The following MTTP variants were observed in gnomAD, a reference collection of about 807,000 sequenced individuals.
MTTP encodes microsomal triglyceride transfer protein, also known as microsomal triglyceride transfer protein large subunit.
A neutral mutation model predicts 90.6 loss-of-function variants in MTTP; 49 were observed. That is an observed-to-expected ratio of 0.54 (90% CI 0.43 to 0.69). MTTP has a LOEUF of 0.69. Among genes scored for constraint, MTTP ranks in the 30% least tolerant of loss-of-function variants. MTTP has a pLI of 0.00. For missense variants in MTTP, 945 were observed against 1,067.5 expected, an observed-to-expected ratio of 0.89 and a Z score of 1.60; for synonymous variants, 347 against 384.2, an observed-to-expected ratio of 0.90 and a Z score of 1.13.
rs375091598 is a variant in MTTP at position 99,591,803 on chromosome 4, T to C, written c.758+13T>C. 7.2e-5 allele frequency: 115 copies of C among 1,595,674 alleles called. No homozygotes were observed. The highest frequency in any genetic ancestry group is 2.2e-4 in the Admixed American group (13 of 59,566). On this transcript the variant is annotated intron_variant, in intron 6 of 17. Coordinates refer to ENST00000265517, the MANE Select transcript of MTTP (RefSeq NM_001386140.1). ...AAATAGTATCGAAGTAAGATAATGC[T>C]AAAATTTTTATTTTCTTTGCTATTC...
rs1320933851 is a variant in MTTP at position 99,603,230 on chromosome 4, A to G, written c.1344+1516A>G. Among the ~76,000 whole-genome samples, 5 of 152,138 alleles carry G rather than the reference A, an allele frequency of 3.3e-5. No individual in the cohort carries two copies. In the East Asian group the frequency reaches 9.6e-4, roughly 29 times the overall value. On this transcript the variant is annotated intron_variant, in intron 10 of 17. Transcript: ENST00000265517. ...GTATGTTTCTGGGGGCAGATAAGTG[A>G]CAGTGGAGACACAGGAAAGATGGGA...
chr4:99,582,111 A>T lies in MTTP; in HGVS notation c.249+19A>T. On this transcript the variant is annotated intron_variant, in intron 2 of 17. Transcript: ENST00000265517. The stretch of plus-strand genomic sequence containing the variant: ...AATAACGGTGGGCATTTTCTACCAG[A>T]TAAATGCAAAGATTAGATATCAGAA... The T allele has an allele frequency of 6.2e-7, 1 of 1,613,170 alleles. No homozygotes were observed. Among genetic ancestry groups the T allele is most frequent in the Non-Finnish European group, 8.5e-7 (1 of 1,179,092 alleles).
intron 15 of MTTP, among the ~76,000 whole-genome samples, chr4:99,617,280 G>A (rs1185965044): frequency 6.6e-6 from 1 of 152,154 alleles, no homozygotes; most frequent in Non-Finnish European, 1.5e-5. Context: ...ATCTCCTAAT[G>A]TGTCCTGAGC....
Position 99,583,704 on chromosome 4 carries a change from C to G in MTTP, c.393+187C>G, listed in dbSNP as rs1047135328. 4.4e-6 allele frequency: 3 copies of G among 688,316 alleles called. No individual in the cohort carries two copies. In the East Asian group the frequency reaches 8.2e-5, roughly 19 times the overall value. The allele number at this position is 688,316 out of a possible 1,614,324, so 42.6% of individuals were successfully genotyped here. The stretch of plus-strand genomic sequence containing the variant: ...TGAATCAATGCCCTGAGTTCCCTTA[C>G]ATTTACTAGCCAATTTGTTTCCTAT... On this transcript the variant is annotated intron_variant, in intron 3 of 17. Coordinates refer to ENST00000265517, the MANE Select transcript of MTTP (RefSeq NM_001386140.1).
rs1197809198 is a variant in MTTP, at chr4:99,612,958, C to T, written c.2035C>T (p.Pro679Ser). Residue 679 changes from proline to serine, a missense_variant, in exon 15 of 18, where the codon CCT becomes TCT. Pro to Ser is a moderately conservative substitution (Grantham distance 74). Coordinates refer to ENST00000265517, the MANE Select transcript of MTTP (RefSeq NM_001386140.1). ...ACTGGAAGCCTTAATCGCAGCCACCCCTGACGAGGGGGAGGAGAACCTTGA... is the reference window on the plus strand; with the variant it reads ...ACTGGAAGCCTTAATCGCAGCCACCTCTGACGAGGGGGAGGAGAACCTTGA... ...QGLEALIAAT[P>S]DEGEENLDSY... The T allele has an allele frequency of 6.2e-7, 1 of 1,613,986 alleles. No individual in the cohort carries two copies. The highest frequency in any genetic ancestry group is 1.1e-5 in the South Asian group (1 of 91,070).
chr4:99,612,790 G>C, intron 14 of MTTP, 123 bp from the exon 15 acceptor site: 1 of 854,336 alleles, frequency 1.2e-6, no homozygotes, highest in Non-Finnish European at 1.9e-6. Context: ...TTTGTTTTTA[G>C]CTGTTGCAAA....
chr4:99,592,581 AT>A (rs910085045), intron 6 of MTTP, among the ~76,000 whole-genome samples: 1 of 145,806 alleles, frequency 6.9e-6, no homozygotes, highest in Non-Finnish European at 1.5e-5. Context: ...AAGCATATAT[AT>A]TAGCCTCGGC....
At position 99,583,834 on chromosome 4, in the gene MTTP, TA is replaced by T. The variant is rs543097276; in HGVS notation, c.393+319del. 1.2e-5 allele frequency: 6 copies of T among 493,964 alleles called. No homozygotes were observed. The South Asian group carries it at 1.4e-4, about 12-fold the overall frequency. The allele number at this position is 493,964 out of a possible 1,614,324, so 30.6% of individuals were successfully genotyped here. The stretch of plus-strand genomic sequence containing the variant: ...ATTATAAGGGATTACAAACGTAATG[TA>T]ACAAAGCAAGTCATCAAAGCATGAT... On this transcript the variant is annotated intron_variant, in intron 3 of 17. Transcript: ENST00000265517.
chr4:99,584,395 C>A (rs910113234), intron 3 of MTTP, among the ~76,000 whole-genome samples: 1 of 152,006 alleles, frequency 6.6e-6, no homozygotes, highest in African/African-American at 2.4e-5. Context: ...AAAAACTGAT[C>A]TTTATATACT....
intron 6 of MTTP, among the ~76,000 whole-genome samples, chr4:99,592,026 A>G (rs562223407): frequency 1.3e-3 from 192 of 152,298 alleles, no homozygotes; most frequent in African/African-American, 4.5e-3. Flanking sequence ...ATTATATGGT[A>G]TAGCCTATTG....
Position 99,581,989 on chromosome 4 carries a change from G to A in MTTP, c.146G>A (p.Gly49Glu), listed in dbSNP as rs145545828. 117 of 1,614,184 alleles carry A rather than the reference G, an allele frequency of 7.2e-5. 1 individual carries two copies. The African/African-American group carries it at 1.2e-3, about 17-fold the overall frequency. Reference protein sequence around the residue: ...STEVLLDRGKGKLQDSVGYRI... With the variant: ...STEVLLDRGKEKLQDSVGYRI... ...GAAGTTCTTCTTGATCGGGGCAAAG[G>A]AAAACTGCAAGACAGCGTGGGCTAC... The change falls in exon 2 of 18, where the codon GGA becomes GAA. Residue 49 changes from glycine (G) to glutamate (E), a missense_variant. By Grantham distance (98) the Gly-to-Glu change is moderately conservative. Transcript: ENST00000265517.
At chr4:99,594,665 T>C (rs979961360) in intron 6 of MTTP, 68 bp from the exon 7 acceptor site, 2 of 1,572,486 alleles carry the variant, frequency 1.3e-6, no homozygotes, top group African/African-American at 2.7e-5. Flanking sequence ...GCCAAAAGAA[T>C]GGCAATTAGT....
At chr4:99,611,049 C>G in intron 12 of MTTP, 94 bp from the exon 13 acceptor site, 3 of 1,425,526 alleles carry the variant, frequency 2.1e-6, no homozygotes, top group Middle Eastern at 4.3e-4. Flanking sequence ...TTGGCTTCCT[C>G]TTTTTTCCAC....
rs2718678 is a variant in MTTP at position 99,622,268 on chromosome 4, C to G, written c.2514-409C>G. The stretch of plus-strand genomic sequence containing the variant: ...GTTTGGTTCCACATTTGCCTTGGGC[C>G]AGAGCTCTTAGAATGTTTCTCTGTC... On this transcript the variant is annotated intron_variant, in intron 17 of 17. Transcript: ENST00000265517. Among the ~76,000 whole-genome samples the G allele has an allele frequency of 1.3e-3, 205 of 152,192 alleles. 1 individual carries two copies. In the East Asian group the frequency reaches 0.017, roughly 13 times the overall value.
chr4:99,614,421 C>T (rs1364074765), intron 15 of MTTP, among the ~76,000 whole-genome samples: 2 of 152,212 alleles, frequency 1.3e-5, no homozygotes, highest in Non-Finnish European at 1.5e-5. Context: ...TGGGATTAAA[C>T]AGTGTTAATT....
intron 3 of MTTP, among the ~76,000 whole-genome samples, chr4:99,585,028 C>T (rs1725224393): frequency 6.6e-6 from 1 of 152,140 alleles, no homozygotes. Flanking sequence ...ATAAGTTTCT[C>T]ATGGGCAGAG....
chr4:99,597,382 A>G (rs1365569688), intron 8 of MTTP, among the ~76,000 whole-genome samples, 158 bp downstream of exon 8: 1 of 152,208 alleles, frequency 6.6e-6, no homozygotes, highest in Non-Finnish European at 1.5e-5. Flanking sequence ...GCCACAGTGC[A>G]GTAATTTAAT....
At chr4:99,576,266 A>G (rs1724954388) in intron 1 of MTTP, among the ~76,000 whole-genome samples, 1 of 152,240 alleles carries the variant, frequency 6.6e-6, no homozygotes, top group Admixed American at 6.5e-5. Context: ...TGTGATTTAA[A>G]TACCATAGTA....
chr4:99,569,437 A>T (rs530791945), intron 1 of MTTP, among the ~76,000 whole-genome samples: 1 of 151,650 alleles, frequency 6.6e-6, no homozygotes, highest in Non-Finnish European at 1.5e-5. Flanking sequence ...AGTTAATAAT[A>T]TATTAATATT....
Sources: allele counts gnomAD v4.1 joint callset (sites outside exome capture counted in the v4.1 genomes callset), GRCh38; gene constraint gnomAD v4.1.1; transcripts MANE v1.5; gene names NCBI Gene and HGNC (gene_info 2026-07-23, HGNC 2026-07-21).